The following ITGA5 variants were observed in gnomAD, a reference collection of about 807,000 sequenced individuals.
ITGA5 encodes the protein integrin subunit alpha 5.
Under a neutral mutation model 146.3 loss-of-function variants are expected in ITGA5, and 55 were observed. The observed-to-expected ratio is 0.38, with a 90% CI of 0.30 to 0.47. The LOEUF (loss-of-function observed/expected upper bound fraction) is 0.47. ITGA5 is among the 20% of genes least tolerant of loss of function. The probability of loss-of-function intolerance (pLI) is 0.99; values close to 1 mark genes in which losing one functional copy is unlikely to be tolerated. For synonymous variants in ITGA5, 500 were observed against 531.8 expected (o/e 0.94, Z 0.82); for missense variants, 1,131 against 1,329.0 (o/e 0.85, Z 2.32).
rs138865109 is a variant in ITGA5 at position 54,405,917 on chromosome 12, G to A, written c.916C>T (p.Leu306Phe). The change falls in exon 10 of 30, where the codon CTT becomes TTT. Residue 306 changes from leucine (L) to phenylalanine (F), a missense_variant. Coordinates refer to ENST00000293379, the MANE Select transcript of ITGA5 (RefSeq NM_002205.5). Reference sequence around the variant, plus strand: ...AGGGATCGAATGTCTGAGCCATTAAGGATGGTGACCTGGGAGATGAAGAGA... The same window carrying A: ...AGGGATCGAATGTCTGAGCCATTAAAGATGGTGACCTGGGAGATGAAGAGA... ...GNLTYGYVTI[L>F]NGSDIRSLYN... The A allele has an allele frequency of 1.4e-5, 22 of 1,613,830 alleles. No homozygotes were observed. The highest frequency in any genetic ancestry group is 1.9e-5 in the Non-Finnish European group (22 of 1,179,836).
rs1955765137 is a variant in ITGA5 at position 54,399,921 on chromosome 12, G to A, written c.2670C>T (p.His890=). 1 of 1,613,968 alleles carries A rather than the reference G, an allele frequency of 6.2e-7. No homozygotes were observed. The highest frequency in any genetic ancestry group is 1.7e-5 in the Admixed American group (1 of 59,988). The change falls in exon 26 of 30, where the codon CAC becomes CAT. Residue 890 remains histidine, a synonymous_variant. Coordinates refer to ENST00000293379, the MANE Select transcript of ITGA5 (RefSeq NM_002205.5). ...LELDPEGSLH[H]QQKREAPSRS... ...GGCTTGGAGCTTCCCGTTTTTGCTG[G>A]TGGTGCAGGGAACCCTCGGGATCCA... is the stretch of plus-strand genomic sequence containing the variant.
chr12:54,398,502 A>G (rs1379387164), intron 28 of ITGA5, 95 bp downstream of exon 28: 1 of 815,666 alleles, frequency 1.2e-6, no homozygotes, highest in Non-Finnish European at 2.0e-6. Context: ...AACAGTTGTT[A>G]ACAATACCAA....
At chr12:54,412,178 C>T (rs1955954738) in intron 1 of ITGA5, 2 of 447,682 alleles carry the variant, frequency 4.5e-6, no homozygotes, top group Admixed American at 4.3e-5. Flanking sequence ...ACACAACCCT[C>T]CCCTCCTCCC....
At chr12:54,400,040 T>C (rs1955768335) in intron 25 of ITGA5, 93 bp from the exon 26 acceptor site, 1 of 834,608 alleles carries the variant, frequency 1.2e-6, no homozygotes, top group African/African-American at 1.7e-5. Flanking sequence ...ACCTATTCTT[T>C]CATCTATCTC....
At chr12:54,415,103 G>A (rs1362802361) in intron 1 of ITGA5, among the ~76,000 whole-genome samples, 1 of 152,130 alleles carries the variant, frequency 6.6e-6, no homozygotes, top group Non-Finnish European at 1.5e-5. Context: ...AGCCGAGATT[G>A]CGCCATTGCA....
rs1427561930 is a variant in ITGA5, at chr12:54,398,708, G to A, written c.2842-10C>T. The A allele has an allele frequency of 5.7e-6, 9 of 1,583,552 alleles. No individual in the cohort carries two copies. The highest frequency in any genetic ancestry group is 2.7e-5 in the African/African-American group (2 of 73,168). ...ATGGCTGGTGCTCCCGCTGTGGGTAGGGGAAAGTTGGTTAGCACATCCTCT... is the reference window on the plus strand; with the variant it reads ...ATGGCTGGTGCTCCCGCTGTGGGTAAGGGAAAGTTGGTTAGCACATCCTCT... On this transcript the variant is annotated splice_polypyrimidine_tract_variant and intron_variant, in intron 27 of 29. Coordinates refer to ENST00000293379, the MANE Select transcript of ITGA5 (RefSeq NM_002205.5).
intron 12 of ITGA5, 127 bp downstream of exon 12, chr12:54,405,039 G>C: frequency 8.3e-7 from 1 of 1,197,960 alleles, no homozygotes; most frequent in Non-Finnish European, 1.2e-6. Flanking sequence ...GACCCAGACA[G>C]TGGGATTTTA....
chr12:54,404,258 G>GA lies in ITGA5; in HGVS notation c.1464-13dup. On this transcript the variant is annotated splice_polypyrimidine_tract_variant and intron_variant, in intron 14 of 29. Coordinates refer to ENST00000293379, the MANE Select transcript of ITGA5 (RefSeq NM_002205.5). ...CGATGGGGCGGCCCCTGCCAAGAGTGAATGTGGGGTCAATAGAATTAGGAC... is the reference window on the plus strand; with the variant it reads ...CGATGGGGCGGCCCCTGCCAAGAGTGAAATGTGGGGTCAATAGAATTAGGAC... 1 of 1,596,774 alleles carries GA rather than the reference G, an allele frequency of 6.3e-7. No homozygotes were observed. Among genetic ancestry groups the GA allele is most frequent in the Non-Finnish European group, 8.5e-7 (1 of 1,171,354 alleles).
rs1035274871 is a variant in ITGA5, at chr12:54,408,315, A to G, written c.692-80T>C. 11 of 1,495,350 alleles carry G rather than the reference A, an allele frequency of 7.4e-6. No homozygotes were observed. The African/African-American group carries it at 1.1e-4, about 15-fold the overall frequency. The allele number at this position is 1,495,350 out of a possible 1,614,324, so 92.6% of individuals were successfully genotyped here. ...GGACTCTGGGGGCTGACTGGGTAGT[A>G]TTTCAGAAGTCTGGTTCAAGAAAGG... is the stretch of plus-strand genomic sequence containing the variant. On this transcript the variant is annotated intron_variant, in intron 6 of 29. Transcript: ENST00000293379.
Position 54,398,605 on chromosome 12 carries a change from C to T in ITGA5, c.2935G>A (p.Glu979Lys), listed in dbSNP as rs577771775. 7 of 1,611,420 alleles carry T rather than the reference C, an allele frequency of 4.3e-6. No homozygotes were observed. In the South Asian group the frequency reaches 6.6e-5, roughly 15 times the overall value. ...RILPRQLPQKERQVATAVQWT... is the reference protein window; with the variant it reads ...RILPRQLPQKKRQVATAVQWT... ...TCTGGCCCTAGACTCACCTGACGCT[C>T]TTTTTGGGGCAGCTGCCGAGGCAGG... Residue 979 changes from glutamate (E) to lysine (K), a missense_variant, in exon 28 of 30, where the codon GAG (glutamate) becomes AAG (lysine). Glu to Lys is a moderately conservative substitution (Grantham distance 56). Coordinates refer to ENST00000293379, the MANE Select transcript of ITGA5 (RefSeq NM_002205.5).
chr12:54,400,978 G>A lies in ITGA5; in HGVS notation c.2511C>T (p.Pro837=), dbSNP rs1955777930. The part of the protein sequence containing the change: ...HHVYELINQG[P]SSISQGVLEL... ...CCAGCACACCCTGGCTAATGGAGCT[G>A]GGGCCTTGGTTGATGAGCTGAGGAG... Residue 837 remains proline, a synonymous_variant, in exon 25 of 30, where the codon CCC becomes CCT. Transcript: ENST00000293379. 1 of 1,613,792 alleles carries A rather than the reference G, an allele frequency of 6.2e-7. No individual in the cohort carries two copies. Among genetic ancestry groups the A allele is most frequent in the Admixed American group, 1.7e-5 (1 of 59,960 alleles).
At chr12:54,415,043 G>A (rs1401239803) in intron 1 of ITGA5, among the ~76,000 whole-genome samples, 1 of 152,184 alleles carries the variant, frequency 6.6e-6, no homozygotes, top group Non-Finnish European at 1.5e-5. Flanking sequence ...AGCTACTCAG[G>A]AGGCTGAGGC....
intron 8 of ITGA5, 67 bp downstream of exon 8, chr12:54,407,765 A>G: frequency 6.2e-7 from 1 of 1,604,730 alleles, no homozygotes. Context: ...GGCCAAGTTC[A>G]TGGGCTCTCT....
In ITGA5 at chr12:54,402,218, G is replaced by C. The variant is rs768504106; in HGVS notation, c.2095C>G (p.Pro699Ala). ...ACGAGTCCTGAGTACTCAGCCTCTG[G>C]AGGGGCGGTGACCCGAAGCTCAGCC... ...YEAELRVTAPPEAEYSGLVRH... is the reference protein window; with the variant it reads ...YEAELRVTAPAEAEYSGLVRH... Residue 699 changes from proline (P) to alanine (A), a missense_variant, in exon 20 of 30, where the codon CCA becomes GCA. Pro to Ala is a conservative substitution (Grantham distance 27, BLOSUM62 -1). Transcript: ENST00000293379. The C allele has an allele frequency of 6.2e-7, 1 of 1,614,074 alleles. No homozygotes were observed. Among genetic ancestry groups the C allele is most frequent in the East Asian group, 2.2e-5 (1 of 44,878 alleles).
At chr12:54,407,745 A>T in intron 8 of ITGA5, 53 bp from the exon 9 acceptor site, 1 of 1,604,328 alleles carries the variant, frequency 6.2e-7, no homozygotes, top group South Asian at 1.1e-5. Context: ...GGAAGCAGAT[A>T]ATGGTAAGTG....
Position 54,401,764 on chromosome 12 carries a change from C to G in ITGA5, c.2306+12G>C. The G allele has an allele frequency of 6.2e-7, 1 of 1,613,852 alleles. No individual in the cohort carries two copies. The highest frequency in any genetic ancestry group is 1.1e-5 in the South Asian group (1 of 91,078). On this transcript the variant is annotated intron_variant, in intron 22 of 29. Coordinates refer to ENST00000293379, the MANE Select transcript of ITGA5 (RefSeq NM_002205.5). The surrounding 1 kb of genome is among the most constrained non-coding windows in gnomAD (Gnocchi z 5.0). ...CCAGCTCAGCCCCAGCCTAGACACA[C>G]TCACTCCCTACCTGAGGATCTGGAA...
At chr12:54,418,558 T>C (rs1313697246) in intron 1 of ITGA5, among the ~76,000 whole-genome samples, 1 of 151,660 alleles carries the variant, frequency 6.6e-6, no homozygotes, top group African/African-American at 2.4e-5. Flanking sequence ...CCCCTACGGA[T>C]CCCGAGGTCT....
rs774577323 is a variant in ITGA5 at position 54,419,089 on chromosome 12, G to C, written c.110C>G (p.Pro37Arg). The change falls in exon 1 of 30, where the codon CCC becomes CGC. Residue 37 changes from proline (P) to arginine (R), a missense_variant. Physicochemically the swap from Pro to Arg is moderately radical, Grantham distance 103. This residue lies in a region of ITGA5 where 175 missense variants were observed against 179.3 expected (regional missense o/e 0.98). Coordinates refer to ENST00000293379, the MANE Select transcript of ITGA5 (RefSeq NM_002205.5). ...GTCTAAGTTGAAGCCCCCGACCCTGGGTGGCGGCGGCAGCAGCAGCAACAG... is the reference window on the plus strand; with the variant it reads ...GTCTAAGTTGAAGCCCCCGACCCTGCGTGGCGGCGGCAGCAGCAGCAACAG... ...PLLLLLLPPPPRVGGFNLDAE... is the reference protein window; with the variant it reads ...PLLLLLLPPPRRVGGFNLDAE... The C allele has an allele frequency of 6.3e-7, 1 of 1,588,570 alleles. No individual in the cohort carries two copies.
rs1246699658 is a variant in ITGA5, at chr12:54,405,751, C to G, written c.964-35G>C. 4 of 1,611,912 alleles carry G rather than the reference C, an allele frequency of 2.5e-6. No homozygotes were observed. In the Admixed American group the frequency reaches 5.0e-5, roughly 20 times the overall value. On this transcript the variant is annotated intron_variant, in intron 10 of 29. Transcript: ENST00000293379. The stretch of plus-strand genomic sequence containing the variant: ...ACAAAGGGGCAGCGCTGGGTCAGAA[C>G]TAGAAGGTTCAATCCACAGGATCAA...
Sources: gnomAD v4.1 joint callset for allele counts (sites outside exome capture counted in the v4.1 genomes callset) on GRCh38, gnomAD v4.1.1 for gene constraint, gnomAD v4.1.1 regional missense constraint, Gnocchi (gnomAD v3.1) non-coding constraint, MANE v1.5 for transcripts, NCBI Gene and HGNC (gene_info 2026-07-23, HGNC 2026-07-21) for gene names.